Variants in PRDM5 observed in about 807,000 individuals in gnomAD.
PRDM5 encodes the protein PR/SET domain 5, also known as PR domain zinc finger protein 5.
A neutral mutation model predicts 81.2 loss-of-function variants in PRDM5; 56 were observed. The observed-to-expected ratio is 0.69, with a 90% CI of 0.56 to 0.86. The LOEUF (loss-of-function observed/expected upper bound fraction) is 0.86, where lower values mean the gene tolerates loss of function less well. PRDM5 is among the 40% of genes least tolerant of loss of function. The probability of loss-of-function intolerance (pLI) is 0.00; values close to 1 mark genes in which losing one functional copy is unlikely to be tolerated. For synonymous variants in PRDM5, 267 were observed against 256.4 expected (o/e 1.04, Z -0.39); for missense variants, 697 against 770.1 (o/e 0.91, Z 1.12).
chr4:120,832,306 C>T (rs539500359), intron 3 of PRDM5, among the ~76,000 whole-genome samples: 91 of 152,132 alleles, frequency 6.0e-4, no homozygotes, highest in African/African-American at 4.6e-4. Context: ...CATCAAATCA[C>T]GTGAGAACTA....
intron 3 of PRDM5, among the ~76,000 whole-genome samples, chr4:120,830,846 A>G (rs1397687889): frequency 6.6e-6 from 1 of 152,076 alleles, no homozygotes; most frequent in East Asian, 1.9e-4. Flanking sequence ...TTAAACAAAA[A>G]AATCAAGTCT....
chr4:120,722,868 G>T (rs763559787), intron 14 of PRDM5, among the ~76,000 whole-genome samples: 1 of 152,182 alleles, frequency 6.6e-6, no homozygotes, highest in Non-Finnish European at 1.5e-5. Flanking sequence ...TGCTGAGCAC[G>T]CGAGGAGCTG....
At chr4:120,880,168 AC>A (rs1212379049) in intron 2 of PRDM5, among the ~76,000 whole-genome samples, 1 of 152,196 alleles carries the variant, frequency 6.6e-6, no homozygotes, top group Non-Finnish European at 1.5e-5. Context: ...CTGTTAATAT[AC>A]TTCAAAAAAC....
intron 14 of PRDM5, among the ~76,000 whole-genome samples, chr4:120,718,304 T>A (rs1015070847): frequency 5.3e-5 from 8 of 152,206 alleles, no homozygotes; most frequent in Non-Finnish European, 1.0e-4. Flanking sequence ...TGTCTCTCTC[T>A]CACACACACA....
intron 1 of PRDM5, among the ~76,000 whole-genome samples, chr4:120,908,218 T>C (rs1014807327): frequency 6.6e-6 from 1 of 152,232 alleles, no homozygotes; most frequent in Admixed American, 6.5e-5. Context: ...ACGGGACTTT[T>C]AAGGACATGT....
intron 8 of PRDM5, among the ~76,000 whole-genome samples, chr4:120,807,671 AG>A (rs1256110496): frequency 3.9e-5 from 6 of 152,184 alleles, no homozygotes; most frequent in Non-Finnish European, 8.8e-5. Flanking sequence ...CCTCACAGTG[AG>A]TGTTACAGTT....
intron 3 of PRDM5, among the ~76,000 whole-genome samples, chr4:120,823,526 A>G (rs1204012399): frequency 3.3e-5 from 5 of 152,216 alleles, no homozygotes; most frequent in Non-Finnish European, 5.9e-5. Context: ...GTGCAGACCA[A>G]CAGTCTCTTT....
chr4:120,806,400 A>G (rs62312855), intron 8 of PRDM5, among the ~76,000 whole-genome samples: 1 of 152,212 alleles, frequency 6.6e-6, no homozygotes, highest in South Asian at 2.1e-4. Flanking sequence ...AGACAATGCT[A>G]AGCAAAAAGA....
At chr4:120,755,328 G>C (rs1744574806) in intron 13 of PRDM5, among the ~76,000 whole-genome samples, 1 of 152,142 alleles carries the variant, frequency 6.6e-6, no homozygotes, top group African/African-American at 2.4e-5. Flanking sequence ...ATCTCCAAAA[G>C]GGATCTGAAG....
chr4:120,905,647 T>C lies in PRDM5; in HGVS notation c.177+1827A>G, dbSNP rs540509884. Among the ~76,000 whole-genome samples the C allele has an allele frequency of 3.3e-5, 5 of 152,216 alleles. No homozygotes were observed. In the East Asian group the frequency reaches 9.7e-4, roughly 29 times the overall value. ...AGCCTGAGGACCTGCCCTATAAATT[T>C]CAGACTTGCTACCACCACAATAACA... On this transcript the variant is annotated intron_variant, in intron 2 of 15. Coordinates refer to ENST00000264808, the MANE Select transcript of PRDM5 (RefSeq NM_018699.4).
At chr4:120,899,023 A>C (rs768187743) in intron 2 of PRDM5, among the ~76,000 whole-genome samples, 14 of 152,190 alleles carry the variant, frequency 9.2e-5, no homozygotes, top group Admixed American at 4.6e-4. Context: ...TGTTCTCATA[A>C]AGAATCCTTA....
chr4:120,821,565 T>C (rs1459909067), intron 3 of PRDM5, among the ~76,000 whole-genome samples: 1 of 152,146 alleles, frequency 6.6e-6, no homozygotes, highest in Non-Finnish European at 1.5e-5. Context: ...TTTACACATG[T>C]CAAATGAAAT....
chr4:120,803,930 C>G lies in PRDM5; in HGVS notation c.946-4185G>C, dbSNP rs58423388. On this transcript the variant is annotated intron_variant, in intron 8 of 15. Coordinates refer to ENST00000264808, the MANE Select transcript of PRDM5 (RefSeq NM_018699.4). ...TGGCAAATTGGATAGAGAGTCAACA[C>G]CCATCAGTGTGCAGTATTCAGGAGA... Among the ~76,000 whole-genome samples the G allele has an allele frequency of 2.1e-3, 313 of 152,226 alleles. 1 individual carries two copies. Among genetic ancestry groups the G allele is most frequent in the African/African-American group, 7.1e-3 (297 of 41,542 alleles).
chr4:120,724,901 A>C (rs930836106), intron 14 of PRDM5, among the ~76,000 whole-genome samples: 3 of 152,222 alleles, frequency 2.0e-5, no homozygotes, highest in African/African-American at 7.2e-5. Context: ...ATATCAATAT[A>C]AATTACATCT....
At chr4:120,891,150 C>T (rs577419821) in intron 2 of PRDM5, among the ~76,000 whole-genome samples, 1 of 152,140 alleles carries the variant, frequency 6.6e-6, no homozygotes, top group South Asian at 2.1e-4. Context: ...GATTGTGAAT[C>T]CATCTGGTCT....
At chr4:120,767,644 A>G (rs1008525548) in intron 13 of PRDM5, among the ~76,000 whole-genome samples, 1 of 152,220 alleles carries the variant, frequency 6.6e-6, no homozygotes, top group African/African-American at 2.4e-5. Context: ...AATTTAGTAA[A>G]TATAACTTAA....
chr4:120,760,042 A>C lies in PRDM5; in HGVS notation c.1538-5404T>G, dbSNP rs561946810. ...ACAAATGAGGAAAGTAAGGCACAGA[A>C]AGGATAAGTAATTTTCTCAAGATGA... is the stretch of plus-strand genomic sequence containing the variant. On this transcript the variant is annotated intron_variant, in intron 13 of 15. Coordinates refer to ENST00000264808, the MANE Select transcript of PRDM5 (RefSeq NM_018699.4). 3.9e-5 allele frequency among the ~76,000 whole-genome samples: 6 copies of C among 152,342 alleles called. No individual in the cohort carries two copies. The South Asian group carries it at 1.2e-3, about 32-fold the overall frequency.
intron 2 of PRDM5, among the ~76,000 whole-genome samples, chr4:120,858,077 A>G (rs1475209719): frequency 6.6e-6 from 1 of 152,230 alleles, no homozygotes; most frequent in Non-Finnish European, 1.5e-5. Context: ...AAAAGACAGC[A>G]ATAATATCCT....
chr4:120,764,023 T>C (rs1746017709), intron 13 of PRDM5, among the ~76,000 whole-genome samples: 1 of 151,388 alleles, frequency 6.6e-6, no homozygotes, highest in African/African-American at 2.4e-5. Context: ...TTATTCTTGG[T>C]GGAAAAATGG....
Sources: gnomAD v4.1 joint callset for allele counts (sites outside exome capture counted in the v4.1 genomes callset) on GRCh38, gnomAD v4.1.1 for gene constraint, MANE v1.5 for transcripts, NCBI Gene and HGNC (gene_info 2026-07-23, HGNC 2026-07-21) for gene names.